The following SHISA6 variants were observed in gnomAD, a reference collection of about 807,000 sequenced individuals.
SHISA6 encodes the protein protein shisa-6.
Under a neutral mutation model 47.9 loss-of-function variants are expected in SHISA6, and 22 were observed. The ratio of observed to expected loss-of-function variants is 0.46; its 90% confidence interval spans 0.33 to 0.66. The LOEUF (loss-of-function observed/expected upper bound fraction) is 0.66. SHISA6 is among the 30% of genes least tolerant of loss of function. The probability of loss-of-function intolerance (pLI) is 0.02; values close to 1 mark genes in which losing one functional copy is unlikely to be tolerated. For synonymous variants in SHISA6, 388 were observed against 337.8 expected, an observed-to-expected ratio of 1.15 and a Z score of -1.63; for missense variants, 680 against 764.6, an observed-to-expected ratio of 0.89 and a Z score of 1.30.
At chr17:11,525,093 A>G (rs2071664712) in intron 3 of SHISA6, among the ~76,000 whole-genome samples, 2 of 152,190 alleles carry the variant, frequency 1.3e-5, no homozygotes, top group Admixed American at 1.3e-4. Flanking sequence ...AGCCTTTCAA[A>G]GGCAAAAGAG....
chr17:11,285,861 G>A (rs1218221779), intron 2 of SHISA6, among the ~76,000 whole-genome samples: 1 of 149,774 alleles, frequency 6.7e-6, no homozygotes, highest in Non-Finnish European at 1.5e-5. Context: ...TTTTGAGATG[G>A]AGTCTCACTC....
Position 11,241,522 on chromosome 17 carries a change from A to AC in SHISA6, c.103dup (p.Leu35ProfsTer77). 1 of 1,129,222 alleles carries AC rather than the reference A, an allele frequency of 8.9e-7. No individual in the cohort carries two copies. The highest frequency in any genetic ancestry group is 1.1e-6 in the Non-Finnish European group (1 of 920,628). The allele number at this position is 1,129,222 out of a possible 1,614,324, so 70.0% of individuals were successfully genotyped here. On this transcript the variant is annotated frameshift_variant, in exon 1 of 6. Transcript: ENST00000441885. LOFTEE classifies it high-confidence loss of function. This position sits in a 1 kb window ranked among gnomAD's most constrained non-coding sequence, Gnocchi z 5.5. ...AGCCCGCGGCCGCGCCGCCAACCGG[A>AC]CCCTGAGTGCAGGCGGCGCTGCCGT...
chr17:11,241,904 C>T lies in SHISA6; in HGVS notation c.482C>T (p.Pro161Leu), dbSNP rs935997022. 354 of 1,551,008 alleles carry T rather than the reference C, an allele frequency of 2.3e-4. No individual in the cohort carries two copies. The highest frequency in any genetic ancestry group is 2.8e-4 in the Non-Finnish European group (324 of 1,147,026). ...ACGCCCAGCACCAAGGTGGTGTCGC[C>T]GGGGCCCGAGAACAAGTACGACCCG... ...VQTPSTKVVS[P>L]GPENKYDPEK... The change falls in exon 1 of 6, where the codon CCG becomes CTG. Residue 161 changes from proline (P) to leucine (L), a missense_variant. Coordinates refer to ENST00000441885, the MANE Select transcript of SHISA6 (RefSeq NM_207386.4). The surrounding 1 kb of genome is among the most constrained non-coding windows in gnomAD (Gnocchi z 5.5).
intron 3 of SHISA6, among the ~76,000 whole-genome samples, chr17:11,423,226 T>TGA (rs1212309315): frequency 9.4e-5 from 13 of 138,632 alleles, no homozygotes; most frequent in African/African-American, 3.6e-4. Flanking sequence ...TGTGTGTGTG[T>TGA]GTGTGTGTGT....
intron 2 of SHISA6, 100 bp downstream of exon 2, chr17:11,263,626 A>G: frequency 7.0e-7 from 1 of 1,419,914 alleles, no homozygotes; most frequent in East Asian, 2.5e-5. Context: ...TGATGGTGTG[A>G]TGAGGGACTC....
At chr17:11,547,859 T>C (rs2142384529) in intron 3 of SHISA6, among the ~76,000 whole-genome samples, 1 of 152,292 alleles carries the variant, frequency 6.6e-6, no homozygotes, top group East Asian at 1.9e-4. Flanking sequence ...ATATGAAGAT[T>C]TTTGTGAGTG....
At chr17:11,415,938 T>C (rs946644785) in intron 3 of SHISA6, among the ~76,000 whole-genome samples, 7 of 152,146 alleles carry the variant, frequency 4.6e-5, no homozygotes, top group Non-Finnish European at 1.0e-4. Context: ...AGGATCGAGG[T>C]GATAGATCCA....
chr17:11,319,684 A>G (rs949100004), intron 2 of SHISA6, among the ~76,000 whole-genome samples: 3 of 152,220 alleles, frequency 2.0e-5, no homozygotes, highest in African/African-American at 7.2e-5. Flanking sequence ...CTTTATGATT[A>G]TTCAAATTCT....
chr17:11,495,492 T>A (rs1411477374), intron 3 of SHISA6, among the ~76,000 whole-genome samples: 1 of 152,056 alleles, frequency 6.6e-6, no homozygotes, highest in Non-Finnish European at 1.5e-5. Context: ...CTGGCCCAGG[T>A]GTGCTCTGAG....
rs76863170 is a variant in SHISA6 at position 11,280,794 on chromosome 17, G to A, written c.799+17268G>A. On this transcript the variant is annotated intron_variant, in intron 2 of 5. Coordinates refer to ENST00000441885, the MANE Select transcript of SHISA6 (RefSeq NM_207386.4). The stretch of plus-strand genomic sequence containing the variant: ...AATAGATCTCCCCTTTTGAAGCAGC[G>A]TGCTCAATGGGTTGAATGGCATGAG... Among the ~76,000 whole-genome samples, 1,198 of 152,322 alleles carry A rather than the reference G, an allele frequency of 7.9e-3. 14 individuals carry two copies. The highest frequency in any genetic ancestry group is 0.027 in the African/African-American group (1,139 of 41,578).
intron 3 of SHISA6, among the ~76,000 whole-genome samples, chr17:11,391,828 C>T (rs917324997): frequency 6.6e-6 from 1 of 152,276 alleles, no homozygotes; most frequent in South Asian, 2.1e-4. Flanking sequence ...CCTACTGCAT[C>T]GAATAAGGTG....
chr17:11,352,807 G>GC (rs900918695), intron 2 of SHISA6, among the ~76,000 whole-genome samples: 15 of 152,232 alleles, frequency 9.9e-5, no homozygotes, highest in Admixed American at 2.6e-4. Context: ...AAACAGAATG[G>GC]CCCCCCTTTT....
At chr17:11,439,104 C>T (rs997654882) in intron 3 of SHISA6, among the ~76,000 whole-genome samples, 1 of 152,138 alleles carries the variant, frequency 6.6e-6, no homozygotes, top group Admixed American at 6.5e-5. Context: ...TACTCCTGTA[C>T]CTCAGTCATT....
chr17:11,392,748 A>G (rs1913428592), intron 3 of SHISA6, among the ~76,000 whole-genome samples: 1 of 152,256 alleles, frequency 6.6e-6, no homozygotes, highest in East Asian at 1.9e-4. Context: ...ATTGGGGTGT[A>G]GCAGATTAGA....
At chr17:11,436,150 T>C (rs1458577442) in intron 3 of SHISA6, among the ~76,000 whole-genome samples, 1 of 152,152 alleles carries the variant, frequency 6.6e-6, no homozygotes, top group Non-Finnish European at 1.5e-5. Flanking sequence ...CTGGGCCCTC[T>C]CTTTCTTTCT....
Position 11,258,206 on chromosome 17 carries a change from T to G in SHISA6, c.639-5160T>G, listed in dbSNP as rs561175943. ...TACCATCCCGAAAAGAGAAAGGGCA[T>G]GATTAGGGCTCGAAACTATCCAGTT... On this transcript the variant is annotated intron_variant, in intron 1 of 5. Coordinates refer to ENST00000441885, the MANE Select transcript of SHISA6 (RefSeq NM_207386.4). Among the ~76,000 whole-genome samples the G allele has an allele frequency of 2.6e-5, 4 of 152,342 alleles. No individual in the cohort carries two copies. The East Asian group carries it at 7.7e-4, about 29-fold the overall frequency.
intron 2 of SHISA6, among the ~76,000 whole-genome samples, chr17:11,314,224 A>G (rs953900875): frequency 7.2e-5 from 11 of 152,206 alleles, no homozygotes; most frequent in Non-Finnish European, 2.9e-5. Context: ...AACCTATTTC[A>G]TGATTCAAAG....
At chr17:11,388,790 TTA>T (rs56048344) in intron 3 of SHISA6, among the ~76,000 whole-genome samples, 2,018 of 49,202 alleles carry the variant, frequency 0.041, 33 homozygotes, top group Non-Finnish European at 0.051. Flanking sequence ...AAACAAAAGT[TTA>T]TATATATATA....
chr17:11,316,809 T>C (rs1910541604), intron 2 of SHISA6, among the ~76,000 whole-genome samples: 1 of 152,238 alleles, frequency 6.6e-6, no homozygotes, highest in Non-Finnish European at 1.5e-5. Context: ...TGAGTTAGAC[T>C]TTGGCCACAT....
Sources: allele counts gnomAD v4.1 joint callset (sites outside exome capture counted in the v4.1 genomes callset), GRCh38; gene constraint gnomAD v4.1.1; non-coding constraint Gnocchi (gnomAD v3.1); transcripts MANE v1.5; gene names NCBI Gene and HGNC (gene_info 2026-07-23, HGNC 2026-07-21).